Variants in FOXP1 observed in about 807,000 individuals in gnomAD.
The protein encoded by FOXP1 is forkhead box P1.
Under a neutral mutation model 98.2 loss-of-function variants are expected in FOXP1, and 15 were observed. The ratio of observed to expected loss-of-function variants is 0.15; its 90% CI spans 0.10 to 0.24. The LOEUF (loss-of-function observed/expected upper bound fraction) is 0.24, where lower values mean the gene tolerates loss of function less well. Among genes scored for constraint, FOXP1 ranks in the 10% least tolerant of loss-of-function variants. FOXP1 has a pLI of 1.00. For missense variants in FOXP1, 633 were observed against 848.5 expected, an observed-to-expected ratio of 0.75 and a Z score of 3.15; for synonymous variants, 371 against 314.5, an observed-to-expected ratio of 1.18 and a Z score of -1.90.
intron 5 of FOXP1, among the ~76,000 whole-genome samples, chr3:71,234,764 A>G (rs1007570308): frequency 1.3e-5 from 2 of 152,212 alleles, no homozygotes; most frequent in African/African-American, 4.8e-5. Context: ...TTGAAAATGG[A>G]AGCACTGTAT....
chr3:71,214,858 C>T (rs981832812), intron 5 of FOXP1, among the ~76,000 whole-genome samples: 8 of 152,152 alleles, frequency 5.3e-5, no homozygotes, highest in Non-Finnish European at 8.8e-5. Flanking sequence ...GAGACTAGTA[C>T]AAGGGATCTG....
intron 2 of FOXP1, among the ~76,000 whole-genome samples, chr3:71,520,662 T>G (rs2042913016): frequency 6.6e-6 from 1 of 152,160 alleles, no homozygotes; most frequent in African/African-American, 2.4e-5. Context: ...AAAGAATGAG[T>G]AAGTCAGGCA....
At chr3:70,981,918 G>T (rs1373394768) in intron 14 of FOXP1, among the ~76,000 whole-genome samples, 1 of 152,230 alleles carries the variant, frequency 6.6e-6, no homozygotes, top group African/African-American at 2.4e-5. Context: ...TCCAAACACA[G>T]GGTGCTTTGC....
chr3:71,171,851 C>T (rs1332799998), intron 6 of FOXP1, among the ~76,000 whole-genome samples: 2 of 152,188 alleles, frequency 1.3e-5, no homozygotes, highest in Non-Finnish European at 2.9e-5. Flanking sequence ...TCCTTCAGGA[C>T]GTGTGTCTGG....
chr3:71,075,629 C>A (rs1415226625), intron 7 of FOXP1, among the ~76,000 whole-genome samples: 1 of 152,150 alleles, frequency 6.6e-6, no homozygotes, highest in Non-Finnish European at 1.5e-5. Flanking sequence ...GTGCTACATA[C>A]CCCAGCCAGT....
chr3:71,343,420 T>G (rs1340671787), intron 4 of FOXP1, among the ~76,000 whole-genome samples: 1 of 152,162 alleles, frequency 6.6e-6, no homozygotes, highest in South Asian at 2.1e-4. Flanking sequence ...CTAAATAAAA[T>G]AGCTGGATCT....
intron 3 of FOXP1, among the ~76,000 whole-genome samples, chr3:71,419,884 G>A (rs570673822): frequency 4.1e-4 from 62 of 151,846 alleles, no homozygotes; most frequent in African/African-American, 1.4e-3. Context: ...GCGTGATCTC[G>A]GCTCGCTGCA....
intron 11 of FOXP1, among the ~76,000 whole-genome samples, chr3:71,026,091 C>G (rs115415050): frequency 0.012 from 1,860 of 152,316 alleles, 48 homozygotes; most frequent in African/African-American, 0.043. Flanking sequence ...TGCACACACT[C>G]AGTGGGGTCC....
At position 71,362,250 on chromosome 3, in the gene FOXP1, C is replaced by A. The variant is rs187159450; in HGVS notation, c.-167-3006G>T. 6.0e-3 allele frequency among the ~76,000 whole-genome samples: 916 copies of A among 152,316 alleles called. 7 individuals carry two copies. The highest frequency in any genetic ancestry group is 0.011 in the Non-Finnish European group (715 of 68,032). ...GCAATGGTATGATCTCGGCTCACTG[C>A]AACCTCCACCTCCTGGGTTCAAGCA... On this transcript the variant is annotated intron_variant, in intron 3 of 20. Transcript: ENST00000649528.
chr3:71,035,287 C>T (rs1324947871), intron 11 of FOXP1, among the ~76,000 whole-genome samples: 3 of 152,184 alleles, frequency 2.0e-5, no homozygotes, highest in Non-Finnish European at 4.4e-5. Context: ...GCCTAGGAAG[C>T]TGTGTGTTTA....
intron 7 of FOXP1, among the ~76,000 whole-genome samples, chr3:71,075,707 G>C (rs1296722610): frequency 1.6e-5 from 1 of 61,818 alleles, no homozygotes; most frequent in African/African-American, 7.9e-5. Flanking sequence ...GACCCACTGG[G>C]TTTTTTTTGT....
intron 19 of FOXP1, chr3:70,970,198 AAG>A (rs2035908646): frequency 6.3e-6 from 1 of 158,110 alleles, no homozygotes; most frequent in Admixed American, 6.1e-5. Flanking sequence ...AGGAAAACTA[AAG>A]AGTCTTCTTA....
At chr3:71,221,194 A>G (rs2065352234) in intron 5 of FOXP1, among the ~76,000 whole-genome samples, 1 of 152,070 alleles carries the variant, frequency 6.6e-6, no homozygotes, top group South Asian at 2.1e-4. Context: ...AGGAGCAGGA[A>G]CCCTATTGTG....
At chr3:71,045,439 G>T (rs114984048) in intron 10 of FOXP1, among the ~76,000 whole-genome samples, 132 of 152,250 alleles carry the variant, frequency 8.7e-4, no homozygotes, top group African/African-American at 3.1e-3. Context: ...GCTCAAGTCC[G>T]GTAGGTGTGT....
At chr3:71,526,774 C>T (rs1347080165) in intron 2 of FOXP1, among the ~76,000 whole-genome samples, 1 of 152,028 alleles carries the variant, frequency 6.6e-6, no homozygotes, top group Non-Finnish European at 1.5e-5. Flanking sequence ...TAGAGACCTG[C>T]CTGACCAACA....
intron 3 of FOXP1, among the ~76,000 whole-genome samples, chr3:71,467,838 C>T (rs1018558367): frequency 2.6e-5 from 4 of 152,204 alleles, no homozygotes; most frequent in South Asian, 2.1e-4. Context: ...GACCCATGAA[C>T]GCACTTCTAC....
intron 2 of FOXP1, among the ~76,000 whole-genome samples, chr3:71,544,003 G>GTATGTGTGTATACACACATA (rs1249255543): frequency 2.5e-5 from 2 of 79,552 alleles, no homozygotes; most frequent in African/African-American, 6.3e-5. Context: ...ATACACACAT[G>GTATGTGTGTATACACACATA]TATGTGTGTA....
intron 3 of FOXP1, among the ~76,000 whole-genome samples, chr3:71,419,280 G>A (rs376102497): frequency 2.9e-4 from 41 of 143,078 alleles, no homozygotes; most frequent in African/African-American, 1.0e-3. Flanking sequence ...GGAGGGGAGG[G>A]AAGGAAAAAG....
intron 13 of FOXP1, 63 bp downstream of exon 13, chr3:71,000,908 AC>A: frequency 9.7e-7 from 1 of 1,025,806 alleles, no homozygotes; most frequent in East Asian, 2.4e-5. Flanking sequence ...TCATTACAGA[AC>A]ACTACAGAAA....
Sources: allele counts gnomAD v4.1 joint callset (sites outside exome capture counted in the v4.1 genomes callset), GRCh38; gene constraint gnomAD v4.1.1; transcripts MANE v1.5; gene names NCBI Gene and HGNC (gene_info 2026-07-23, HGNC 2026-07-21).